Variants in ZNF331 observed in about 807,000 individuals in gnomAD.
ZNF331 encodes C2H2-like zinc finger protein rearranged in thyroid adenomas.
A neutral mutation model predicts 7.0 loss-of-function variants in ZNF331; 2 were observed. That is an observed-to-expected ratio of 0.29 (90% CI 0.12 to 0.90). The LOEUF is 0.90. ZNF331 is among the 40% of genes least tolerant of loss of function. ZNF331 has a pLI of 0.58. For missense variants in ZNF331, 432 were observed against 587.7 expected (o/e 0.74, Z 2.74); for synonymous variants, 196 against 205.4 (o/e 0.95, Z 0.39).
At chr19:53,562,696 G>GAA (rs199571538) in intron 3 of ZNF331, among the ~76,000 whole-genome samples, 33 of 133,968 alleles carry the variant, frequency 2.5e-4, no homozygotes, top group African/African-American at 7.7e-4. Flanking sequence ...ATCTCAAAAA[G>GAA]AAAAAAAAAA....
intron 2 of ZNF331, among the ~76,000 whole-genome samples, chr19:53,548,004 A>G (rs1213074717): frequency 1.3e-5 from 2 of 152,090 alleles, no homozygotes; most frequent in Non-Finnish European, 2.9e-5. Context: ...ATGACAGTTC[A>G]CTGCATCCTC....
chr19:53,553,896 C>T (rs931888739), intron 2 of ZNF331, among the ~76,000 whole-genome samples: 3 of 152,160 alleles, frequency 2.0e-5, no homozygotes, highest in Admixed American at 1.3e-4. Flanking sequence ...CTCTCCCAGC[C>T]GGGAACGGGC....
At chr19:53,534,723 C>G (rs554769104), upstream of ZNF331, among the ~76,000 whole-genome samples, 13 of 152,228 alleles carry the variant, frequency 8.5e-5, no homozygotes, top group South Asian at 2.3e-3. Context: ...GTAATTGCAC[C>G]AGGCCCACCT....
At chr19:53,568,354 G>T (rs1401085990) in intron 3 of ZNF331, among the ~76,000 whole-genome samples, 1 of 152,072 alleles carries the variant, frequency 6.6e-6, no homozygotes, top group Non-Finnish European at 1.5e-5. Context: ...TGTCTTTGAT[G>T]TGTGACAACA....
At chr19:53,510,248 G>C in the ZNF331 span, among the ~76,000 whole-genome samples, 1 of 152,064 alleles carries the variant, frequency 6.6e-6, no homozygotes, top group African/African-American at 2.4e-5. Context: ...TCTTTCTTCT[G>C]AGTTTCTTGA....
Position 53,525,038 on chromosome 19 carries a change from T to C in ZNF331, c.-205+2354T>C, listed in dbSNP as rs143551185. Among the ~76,000 whole-genome samples, 1,414 of 152,346 alleles carry C rather than the reference T, an allele frequency of 9.3e-3. 25 individuals carry two copies. The highest frequency in any genetic ancestry group is 0.032 in the African/African-American group (1,321 of 41,580). On this transcript the variant is annotated intron_variant, in intron 2 of 6. Transcript: ENST00000253144. Reference sequence around the variant, plus strand: ...AAAAACGGAATCCTTTCCCCATTTCTTGTTTTTGTCAGGTTTGTCAAAGAT... The same window carrying C: ...AAAAACGGAATCCTTTCCCCATTTCCTGTTTTTGTCAGGTTTGTCAAAGAT...
At chr19:53,503,456 G>T in the ZNF331 span, 14 of 635,894 alleles carry the variant, frequency 2.2e-5, no homozygotes, top group African/African-American at 2.6e-4. Flanking sequence ...GAATCCTGGG[G>T]ATTTCTCTCT....
rs1387926738 is a variant in ZNF331, at chr19:53,539,878, T to C, written c.-138+596T>C. On this transcript the variant is annotated intron_variant, in intron 2 of 5. Coordinates refer to ENST00000449416, the MANE Select transcript of ZNF331 (RefSeq NM_001079906.2). This position sits in a 1 kb window ranked among gnomAD's most constrained non-coding sequence, Gnocchi z 6.1. ...AAATGGTTAAGTAATTATACCACGT[T>C]CATTTCATGGAATACTCTGCAGCTA... is the stretch of plus-strand genomic sequence containing the variant. Among the ~76,000 whole-genome samples the C allele has an allele frequency of 6.6e-6, 1 of 152,190 alleles. No individual in the cohort carries two copies. Among genetic ancestry groups the C allele is most frequent in the Non-Finnish European group, 1.5e-5 (1 of 68,040 alleles).
intron 2 of ZNF331, among the ~76,000 whole-genome samples, chr19:53,542,957 G>T (rs2088283863): frequency 6.6e-6 from 1 of 152,192 alleles, no homozygotes; most frequent in Non-Finnish European, 1.5e-5. Context: ...TTACAGGCAA[G>T]TGCCACCACG....
At chr19:53,559,563 A>ACGC (rs2089702159) in intron 3 of ZNF331, among the ~76,000 whole-genome samples, 1 of 151,272 alleles carries the variant, frequency 6.6e-6, no homozygotes, top group Non-Finnish European at 1.5e-5. Context: ...ATACACACCT[A>ACGC]CATATATACA....
intron 2 of ZNF331, among the ~76,000 whole-genome samples, chr19:53,524,468 A>T (rs6509786): frequency 1.3e-5 from 2 of 151,282 alleles, no homozygotes; most frequent in Non-Finnish European, 2.9e-5. Context: ...AACTGGTGTG[A>T]GATGGTATCT....
exon 1 of ZNF331, chr19:53,521,331 A>AGT (rs755487590): frequency 0.035 from 4,500 of 129,176 alleles, 80 homozygotes; most frequent in Admixed American, 0.065. Context: ...AGTGTGTGTG[A>AGT]GTGTGTGTGT....
chr19:53,543,894 C>A (rs916214410), intron 2 of ZNF331, among the ~76,000 whole-genome samples: 2 of 152,166 alleles, frequency 1.3e-5, no homozygotes, highest in Non-Finnish European at 2.9e-5. Context: ...AAATTATATA[C>A]ACCTTTTTAA....
intron 2 of ZNF331, among the ~76,000 whole-genome samples, chr19:53,545,503 G>A (rs566019895): frequency 3.3e-5 from 5 of 152,136 alleles, no homozygotes; most frequent in African/African-American, 4.8e-5. Context: ...GCCGTGGCTC[G>A]CCCGGCATCA....
intron 2 of ZNF331, among the ~76,000 whole-genome samples, chr19:53,531,406 G>A (rs2087535080): frequency 6.6e-6 from 1 of 152,142 alleles, no homozygotes; most frequent in Non-Finnish European, 1.5e-5. Flanking sequence ...TTGGCAAACT[G>A]TGTAGCTTTT....
Position 53,549,093 on chromosome 19 carries a change from C to G in ZNF331, c.-137-6752C>G, listed in dbSNP as rs528826797. Among the ~76,000 whole-genome samples the G allele has an allele frequency of 6.6e-5, 10 of 152,260 alleles. No homozygotes were observed. In the East Asian group the frequency reaches 1.9e-3, roughly 29 times the overall value. ...TAAACTCCTGACCTCAGGTGAGCCA[C>G]CGCACCTGGCCTCATTTTTCTCTAT... is the stretch of plus-strand genomic sequence containing the variant. On this transcript the variant is annotated intron_variant, in intron 2 of 5. Transcript: ENST00000449416.
rs1600257489 is a variant in ZNF331 at position 53,539,050 on chromosome 19, T to G, written c.-204-166T>G. ...AGAATTCCTCCTGTAGAGGGACAGG[T>G]CCCTGATGTGGGAGACAGGGAGGGG... On this transcript the variant is annotated intron_variant, in intron 1 of 5. Transcript: ENST00000449416. The surrounding 1 kb of genome is among the most constrained non-coding windows in gnomAD (Gnocchi z 6.1). 6.6e-6 allele frequency: 1 copy of G among 152,096 alleles called. No homozygotes were observed. Among genetic ancestry groups the G allele is most frequent in the Non-Finnish European group, 1.5e-5 (1 of 68,036 alleles). The allele number at this position is 152,096 out of a possible 1,614,324, so 9.4% of individuals were successfully genotyped here. A position where few individuals can be genotyped will look rare whatever the true frequency, so the allele number is the denominator to read the frequency against.
At chr19:53,508,193 C>T in the ZNF331 span, among the ~76,000 whole-genome samples, 487 of 152,226 alleles carry the variant, frequency 3.2e-3, 3 homozygotes, top group African/African-American at 0.011. Context: ...CACTGCAGGC[C>T]GGGCTTGTGG....
intron 5 of ZNF331, among the ~76,000 whole-genome samples, chr19:53,575,464 GT>G (rs1181444139): frequency 8.8e-6 from 1 of 113,380 alleles, no homozygotes; most frequent in African/African-American, 3.3e-5. Flanking sequence ...TATCTTTTTT[GT>G]TGCTTTTGAA....
Sources: gnomAD v4.1 joint callset for allele counts (sites outside exome capture counted in the v4.1 genomes callset) on GRCh38, gnomAD v4.1.1 for gene constraint, Gnocchi (gnomAD v3.1) non-coding constraint, MANE v1.5 for transcripts, NCBI Gene and HGNC (gene_info 2026-07-23, HGNC 2026-07-21) for gene names.